DGKB: variants seen among roughly 807,000 people sequenced by gnomAD.
DGKB encodes the protein diacylglycerol kinase beta, also known as 90 kDa diacylglycerol kinase.
In DGKB, 67 loss-of-function variants were observed where a neutral mutation model predicts 114.3. The observed-to-expected ratio is 0.59, with a 90% CI of 0.48 to 0.72. The LOEUF (loss-of-function observed/expected upper bound fraction) is 0.72. Among genes scored for constraint, DGKB ranks in the 30% least tolerant of loss-of-function variants. DGKB has a pLI of 0.00. For synonymous variants in DGKB, 398 were observed against 323.1 expected (o/e 1.23, Z -2.49); for missense variants, 907 against 975.2 (o/e 0.93, Z 0.93).
intron 2 of DGKB, among the ~76,000 whole-genome samples, chr7:14,797,744 C>T (rs1348692294): frequency 6.6e-6 from 1 of 151,890 alleles, no homozygotes; most frequent in Non-Finnish European, 1.5e-5. Context: ...AAGGGAGTAG[C>T]ATCCAGTGGC....
At chr7:14,322,599 A>G (rs928610184) in intron 23 of DGKB, among the ~76,000 whole-genome samples, 19 of 152,200 alleles carry the variant, frequency 1.2e-4, no homozygotes, top group African/African-American at 3.9e-4. Context: ...AAAAAGTAAT[A>G]AATGGATACA....
intron 23 of DGKB, among the ~76,000 whole-genome samples, chr7:14,255,714 T>C (rs1266115455): frequency 6.6e-6 from 1 of 151,806 alleles, no homozygotes; most frequent in Non-Finnish European, 1.5e-5. Context: ...AAGCCCTTCA[T>C]CTTTATTACA....
chr7:14,801,921 C>CAT lies in DGKB; in HGVS notation c.70+39271_70+39272dup, dbSNP rs1049327403. Among the ~76,000 whole-genome samples the CAT allele has an allele frequency of 2.0e-3, 274 of 138,912 alleles. 1 individual carries two copies. The highest frequency in any genetic ancestry group is 7.6e-3 in the African/African-American group (258 of 34,110). The allele number at this position is 138,912 out of a possible 152,430, so 91.1% of individuals were successfully genotyped here. A position where few individuals can be genotyped will look rare whatever the true frequency, so the allele number is the denominator to read the frequency against. Reference sequence around the variant, plus strand: ...ATACACACATATACACACATATATACATATACACACACACACACACACACA... The same window carrying CAT: ...ATACACACATATACACACATATATACATATATACACACACACACACACACACA... On this transcript the variant is annotated intron_variant, in intron 2 of 25. Transcript: ENST00000402815.
At chr7:14,928,348 T>A (rs1022695418) in intron 1 of DGKB, among the ~76,000 whole-genome samples, 1 of 151,956 alleles carries the variant, frequency 6.6e-6, no homozygotes, top group African/African-American at 2.4e-5. Context: ...TTACTAAAAT[T>A]TTCTCAGAAT....
intron 20 of DGKB, among the ~76,000 whole-genome samples, chr7:14,561,064 T>A (rs1029533432): frequency 6.6e-6 from 1 of 152,172 alleles, no homozygotes; most frequent in African/African-American, 2.4e-5. Context: ...TGTGTCCCCA[T>A]CCAAATCTCA....
At chr7:14,943,342 C>G (rs181724132) in intron 1 of DGKB, among the ~76,000 whole-genome samples, 1 of 150,594 alleles carries the variant, frequency 6.6e-6, no homozygotes, top group Non-Finnish European at 1.5e-5. Context: ...AAGAAAAAAA[C>G]CTCTATAATT....
chr7:14,885,461 A>C (rs1854897830), intron 1 of DGKB, among the ~76,000 whole-genome samples: 1 of 151,886 alleles, frequency 6.6e-6, no homozygotes. Context: ...CTGCTCCTGG[A>C]AAGATGGAAG....
intron 2 of DGKB, among the ~76,000 whole-genome samples, chr7:14,805,458 T>C (rs1842679462): frequency 6.6e-6 from 1 of 152,134 alleles, no homozygotes; most frequent in Admixed American, 6.6e-5. Flanking sequence ...AAATTCATCA[T>C]AGTACCTGGA....
chr7:14,222,731 T>G (rs1790196182), intron 23 of DGKB, among the ~76,000 whole-genome samples: 1 of 151,518 alleles, frequency 6.6e-6, no homozygotes, highest in African/African-American at 2.4e-5. Flanking sequence ...TACCTAATTA[T>G]TCTACCACTT....
chr7:14,573,546 T>A (rs1385692726), intron 20 of DGKB, among the ~76,000 whole-genome samples: 1 of 151,678 alleles, frequency 6.6e-6, no homozygotes, highest in Non-Finnish European at 1.5e-5. Context: ...TGGGATGACA[T>A]ACATTAAATT....
intron 23 of DGKB, among the ~76,000 whole-genome samples, chr7:14,256,560 T>A (rs1796001082): frequency 6.6e-6 from 1 of 152,086 alleles, no homozygotes; most frequent in Admixed American, 6.6e-5. Context: ...ATATTTTAAG[T>A]GGGAAAATGA....
chr7:14,868,819 A>G (rs1461759715), intron 1 of DGKB, among the ~76,000 whole-genome samples: 3 of 152,160 alleles, frequency 2.0e-5, no homozygotes, highest in Admixed American at 1.3e-4. Context: ...ATTAAAGGCA[A>G]TACTTCAGAA....
At chr7:14,839,908 A>T (rs2128135984) in intron 2 of DGKB, among the ~76,000 whole-genome samples, 1 of 152,176 alleles carries the variant, frequency 6.6e-6, no homozygotes, top group East Asian at 1.9e-4. Flanking sequence ...TCATACCCTC[A>T]TTCAATCCAC....
chr7:14,897,172 A>G (rs1003038849), intron 1 of DGKB, among the ~76,000 whole-genome samples: 2 of 151,946 alleles, frequency 1.3e-5, no homozygotes, highest in East Asian at 3.9e-4. Context: ...AAAAAATTGT[A>G]TTTGGAAAGC....
At chr7:14,461,010 A>G (rs1202432484) in intron 21 of DGKB, among the ~76,000 whole-genome samples, 1 of 151,772 alleles carries the variant, frequency 6.6e-6, no homozygotes, top group Non-Finnish European at 1.5e-5. Context: ...ACGGGGTAAA[A>G]AAGCAAATTA....
chr7:14,509,552 C>T (rs1787654105), intron 20 of DGKB, among the ~76,000 whole-genome samples: 1 of 152,226 alleles, frequency 6.6e-6, no homozygotes, highest in Admixed American at 6.5e-5. Flanking sequence ...ACAGAAACCG[C>T]CACTGCTATA....
intron 1 of DGKB, among the ~76,000 whole-genome samples, chr7:14,946,205 C>T (rs577595467): frequency 9.9e-4 from 149 of 151,258 alleles, no homozygotes; most frequent in Non-Finnish European, 1.8e-3. Context: ...AGTTTTATTC[C>T]ATATAGGTTC....
intron 19 of DGKB, among the ~76,000 whole-genome samples, chr7:14,577,494 G>A (rs1174186310): frequency 1.3e-5 from 2 of 152,100 alleles, no homozygotes; most frequent in Non-Finnish European, 2.9e-5. Flanking sequence ...GCGGGCGCCC[G>A]TAGTACCAGC....
chr7:14,760,889 G>T (rs1398666910), intron 2 of DGKB, among the ~76,000 whole-genome samples: 1 of 152,054 alleles, frequency 6.6e-6, no homozygotes, highest in Non-Finnish European at 1.5e-5. Flanking sequence ...TTAGTGTACT[G>T]GTCATAGTTT....
Sources: gnomAD v4.1 joint callset for allele counts (sites outside exome capture counted in the v4.1 genomes callset) on GRCh38, gnomAD v4.1.1 for gene constraint, MANE v1.5 for transcripts, NCBI Gene and HGNC (gene_info 2026-07-23, HGNC 2026-07-21) for gene names.